Variants in GRID2 observed in about 807,000 individuals in gnomAD.
The protein encoded by GRID2 is glutamate ionotropic receptor delta type subunit 2.
A neutral mutation model predicts 114.8 loss-of-function variants in GRID2; 33 were observed. That is an observed-to-expected ratio of 0.29 (90% CI 0.22 to 0.38). The LOEUF is 0.38. GRID2 is among the 10% of genes least tolerant of loss of function. GRID2 has a pLI of 1.00. For synonymous variants in GRID2, 505 were observed against 449.9 expected, an observed-to-expected ratio of 1.12 and a Z score of -1.55; for missense variants, 1,184 against 1,257.7, an observed-to-expected ratio of 0.94 and a Z score of 0.89.
At chr4:93,087,815 G>GTT (rs1730458681) in intron 3 of GRID2, among the ~76,000 whole-genome samples, 2 of 152,090 alleles carry the variant, frequency 1.3e-5, no homozygotes, top group Non-Finnish European at 2.9e-5. Flanking sequence ...TGCAAGTAAA[G>GTT]CATTGGACTA....
Position 92,704,725 on chromosome 4 carries a change from C to CTCTCTCTCTCTCTCTT in GRID2, c.244+114454_244+114455insTTCTCTCTCTCTCTCT, listed in dbSNP as rs1553918675. ...AATCTCTCTCTCTCTCTCTCTCTTTCTCTCTCTCTCTCTCTCTCTCCCTCC... is the reference window on the plus strand; with the variant it reads ...AATCTCTCTCTCTCTCTCTCTCTTTCTCTCTCTCTCTCTCTTTCTCTCTCTCTCTCTCTCTCCCTCC... On this transcript the variant is annotated intron_variant, in intron 2 of 15. Transcript: ENST00000282020. Among the ~76,000 whole-genome samples, 55 of 133,238 alleles carry CTCTCTCTCTCTCTCTT rather than the reference C, an allele frequency of 4.1e-4. No individual in the cohort carries two copies. In the East Asian group the frequency reaches 7.1e-3, roughly 17 times the overall value. 87.4% of individuals were successfully genotyped at this position (133,238 alleles called of 152,430 possible). A position where few individuals can be genotyped will look rare whatever the true frequency, so the allele number is the denominator to read the frequency against.
chr4:92,411,624 C>CGTGTGTGTGTGT (rs1731305671), intron 1 of GRID2, among the ~76,000 whole-genome samples: 4 of 90,900 alleles, frequency 4.4e-5, no homozygotes, highest in African/African-American at 1.6e-4. Flanking sequence ...GATATATATG[C>CGTGTGTGTGTGT]ATGTGTGTGT....
At chr4:92,602,605 T>C (rs1014564887) in intron 2 of GRID2, among the ~76,000 whole-genome samples, 1 of 152,152 alleles carries the variant, frequency 6.6e-6, no homozygotes, top group Non-Finnish European at 1.5e-5. Flanking sequence ...TCATACTGGA[T>C]TGGCAAAACC....
chr4:93,331,020 A>C (rs556768526), intron 8 of GRID2, among the ~76,000 whole-genome samples: 1 of 152,046 alleles, frequency 6.6e-6, no homozygotes, highest in Non-Finnish European at 1.5e-5. Context: ...TATCTTAAAA[A>C]GTATATCAGA....
intron 11 of GRID2, among the ~76,000 whole-genome samples, chr4:93,469,089 G>A (rs867376386): frequency 3.9e-5 from 6 of 152,148 alleles, no homozygotes; most frequent in South Asian, 2.1e-4. Flanking sequence ...CAAGAGATAC[G>A]TCTCATTCCC....
At chr4:93,644,264 A>C (rs2149712104) in intron 14 of GRID2, among the ~76,000 whole-genome samples, 1 of 119,416 alleles carries the variant, frequency 8.4e-6, no homozygotes, top group Admixed American at 7.8e-5. Flanking sequence ...TGCAGAAATC[A>C]CCGTCTTCTG....
chr4:93,302,498 T>C, intron 8 of GRID2: 1 of 450,746 alleles, frequency 2.2e-6, no homozygotes, highest in South Asian at 1.6e-5. Flanking sequence ...AATGCGAACA[T>C]AATATTCATG....
chr4:93,226,794 T>C (rs1745539598), intron 7 of GRID2, among the ~76,000 whole-genome samples: 1 of 152,188 alleles, frequency 6.6e-6, no homozygotes, highest in Non-Finnish European at 1.5e-5. Flanking sequence ...TGCCTGAGTC[T>C]TCATGCTCTT....
intron 2 of GRID2, among the ~76,000 whole-genome samples, chr4:92,612,623 T>C (rs1203756807): frequency 6.6e-6 from 1 of 151,574 alleles, no homozygotes; most frequent in Non-Finnish European, 1.5e-5. Flanking sequence ...CTTTAATTTC[T>C]ATGCAGAAAG....
In GRID2 at chr4:93,322,382, T is replaced by A. The variant is rs577929201; in HGVS notation, c.1246-73225T>A. On this transcript the variant is annotated intron_variant, in intron 8 of 15. Transcript: ENST00000282020. ...CCTTACAAAGGACATGAACTCATCA[T>A]TTTTTATGGCTGCATAGTATTCCAT... 3.3e-5 allele frequency among the ~76,000 whole-genome samples: 5 copies of A among 152,274 alleles called. No individual in the cohort carries two copies. The South Asian group carries it at 1.0e-3, about 32-fold the overall frequency.
intron 2 of GRID2, among the ~76,000 whole-genome samples, chr4:92,676,203 C>T (rs1320526583): frequency 1.8e-4 from 18 of 99,950 alleles, no homozygotes; most frequent in Non-Finnish European, 7.2e-5. Context: ...GTTGTTGAGA[C>T]AGAGTCTCGC....
At chr4:92,336,104 G>GTACA (rs544705088) in intron 1 of GRID2, among the ~76,000 whole-genome samples, 21 of 152,234 alleles carry the variant, frequency 1.4e-4, no homozygotes, top group African/African-American at 4.6e-4. Flanking sequence ...TGTTATACAA[G>GTACA]TACATATGTG....
intron 14 of GRID2, among the ~76,000 whole-genome samples, chr4:93,711,098 A>G (rs1402790630): frequency 1.3e-5 from 2 of 152,190 alleles, no homozygotes; most frequent in African/African-American, 4.8e-5. Flanking sequence ...GTTGCAAGAC[A>G]AAGTCCTTTA....
chr4:92,435,550 A>T (rs1376628876), intron 1 of GRID2, among the ~76,000 whole-genome samples: 1 of 152,242 alleles, frequency 6.6e-6, no homozygotes, highest in African/African-American at 2.4e-5. Flanking sequence ...ACAATAAACC[A>T]GAGTGAGACT....
intron 2 of GRID2, among the ~76,000 whole-genome samples, chr4:92,646,534 G>C (rs1731635402): frequency 6.6e-6 from 1 of 151,704 alleles, no homozygotes; most frequent in Non-Finnish European, 1.5e-5. Context: ...ATCTAGAAAT[G>C]CTATAGTTTT....
intron 2 of GRID2, among the ~76,000 whole-genome samples, chr4:92,873,490 T>A (rs1745419732): frequency 6.6e-6 from 1 of 152,160 alleles, no homozygotes; most frequent in South Asian, 2.1e-4. Flanking sequence ...GAACTCACCT[T>A]GCTCCAGTAT....
chr4:92,627,204 A>T, intron 2 of GRID2, among the ~76,000 whole-genome samples: 1 of 152,120 alleles, frequency 6.6e-6, no homozygotes, highest in South Asian at 2.1e-4. Flanking sequence ...GGAATGGGCA[A>T]CAAACAGTAT....
At chr4:93,264,381 C>T (rs1750572142) in intron 8 of GRID2, among the ~76,000 whole-genome samples, 1 of 151,950 alleles carries the variant, frequency 6.6e-6, no homozygotes, top group Non-Finnish European at 1.5e-5. Flanking sequence ...AGCAAAATTA[C>T]AGTTACCAAG....
At chr4:93,150,986 A>G (rs1047242483) in intron 4 of GRID2, among the ~76,000 whole-genome samples, 5 of 151,662 alleles carry the variant, frequency 3.3e-5, no homozygotes, top group Admixed American at 2.0e-4. Context: ...AAAATTAGCC[A>G]GGCATGGTGG....
Sources: allele counts gnomAD v4.1 joint callset (sites outside exome capture counted in the v4.1 genomes callset), GRCh38; gene constraint gnomAD v4.1.1; transcripts MANE v1.5; gene names NCBI Gene and HGNC (gene_info 2026-07-23, HGNC 2026-07-21).